TXNRD1: variants seen among roughly 807,000 people sequenced by gnomAD.
TXNRD1 encodes the protein thioredoxin reductase 1, cytoplasmic.
A neutral mutation model predicts 80.3 loss-of-function variants in TXNRD1; 57 were observed. That is an observed-to-expected ratio of 0.71 (90% CI 0.57 to 0.89). TXNRD1 has a LOEUF of 0.89. Among genes scored for constraint, TXNRD1 ranks in the 40% least tolerant of loss-of-function variants. The pLI is 0.00. For missense variants in TXNRD1, 730 were observed against 803.0 expected, an observed-to-expected ratio of 0.91 and a Z score of 1.10; for synonymous variants, 291 against 285.2, an observed-to-expected ratio of 1.02 and a Z score of -0.20.
At chr12:104,287,243 T>A (rs770814688) in intron 3 of TXNRD1, 5 of 1,613,416 alleles carry the variant, frequency 3.1e-6, no homozygotes, top group Non-Finnish European at 4.2e-6. Flanking sequence ...AGGGAAGATA[T>A]TTTAAGGCGT....
chr12:104,314,865 C>T (rs760195347), intron 6 of TXNRD1, among the ~76,000 whole-genome samples: 1 of 151,288 alleles, frequency 6.6e-6, no homozygotes, highest in Admixed American at 6.6e-5. Flanking sequence ...CCTCAGCCTC[C>T]TTAGTAGCTG....
intron 4 of TXNRD1, among the ~76,000 whole-genome samples, chr12:104,311,050 C>A (rs940152619): frequency 1.3e-5 from 2 of 152,152 alleles, no homozygotes; most frequent in African/African-American, 4.8e-5. Flanking sequence ...TGTAGAGGTA[C>A]TATACGAACA....
intron 1 of TXNRD1, among the ~76,000 whole-genome samples, chr12:104,221,230 T>A (rs747488486): frequency 3.1e-4 from 47 of 152,186 alleles, no homozygotes; most frequent in Non-Finnish European, 6.0e-4. Flanking sequence ...GCTACTGCAC[T>A]CCAGCCTGGG....
At chr12:104,262,307 C>T (rs894459040) in intron 3 of TXNRD1, 3 of 146,126 alleles carry the variant, frequency 2.1e-5, no homozygotes, top group African/African-American at 7.6e-5. Flanking sequence ...TGAATATTAA[C>T]ACAGTTTTGA....
chr12:104,303,781 C>A, intron 4 of TXNRD1: 1 of 1,268,116 alleles, frequency 7.9e-7, no homozygotes, highest in Non-Finnish European at 1.0e-6. Context: ...ACTTTCCACA[C>A]GCTGGGAGGG....
intron 1 of TXNRD1, among the ~76,000 whole-genome samples, chr12:104,217,212 A>G (rs1251741143): frequency 6.6e-6 from 1 of 151,882 alleles, no homozygotes; most frequent in Non-Finnish European, 1.5e-5. Flanking sequence ...TGCCATCCTC[A>G]GGATCTTCTT....
intron 4 of TXNRD1, among the ~76,000 whole-genome samples, chr12:104,302,486 C>CATT (rs1555213398): frequency 2.6e-5 from 2 of 76,226 alleles, no homozygotes; most frequent in African/African-American, 1.2e-4. Context: ...TATTCATTCC[C>CATT]TTTTTTTTTT....
At chr12:104,290,720 CATATAT>C (rs58669975) in intron 4 of TXNRD1, among the ~76,000 whole-genome samples, 5,657 of 55,722 alleles carry the variant, frequency 0.1, 279 homozygotes, top group Non-Finnish European at 0.12. Context: ...AAGAAATATA[CATATAT>C]ATATATATAT....
intron 4 of TXNRD1, among the ~76,000 whole-genome samples, chr12:104,297,563 CTA>C (rs2034477065): frequency 6.6e-6 from 1 of 151,948 alleles, no homozygotes; most frequent in South Asian, 2.1e-4. Context: ...CAAGATTTCT[CTA>C]TGTTGGTCAG....
chr12:104,345,980 A>G (rs1208152991), intron 16 of TXNRD1: 10 of 1,288,848 alleles, frequency 7.8e-6, no homozygotes, highest in Non-Finnish European at 1.0e-5. Flanking sequence ...ATTCTAAAAC[A>G]GTTGTGTACG....
chr12:104,310,442 C>A (rs1475014477), intron 4 of TXNRD1, among the ~76,000 whole-genome samples: 1 of 152,200 alleles, frequency 6.6e-6, no homozygotes, highest in Non-Finnish European at 1.5e-5. Context: ...AGCCACTGTG[C>A]CTGGCCTACT....
chr12:104,251,402 T>C (rs2033114486), intron 1 of TXNRD1, 125 bp from the exon 2 acceptor site: 1 of 938,924 alleles, frequency 1.1e-6, no homozygotes, highest in South Asian at 1.4e-5. Context: ...CCTTCCTTCC[T>C]CAGATTCCTT....
At chr12:104,290,295 G>T (rs1331731397) in intron 4 of TXNRD1, among the ~76,000 whole-genome samples, 1 of 152,086 alleles carries the variant, frequency 6.6e-6, no homozygotes, top group Non-Finnish European at 1.5e-5. Context: ...CAAATTAATG[G>T]AAAATTAATG....
chr12:104,221,479 G>A (rs764858781), intron 1 of TXNRD1, among the ~76,000 whole-genome samples: 8 of 151,974 alleles, frequency 5.3e-5, no homozygotes, highest in Admixed American at 2.0e-4. Flanking sequence ...CACAACGCCC[G>A]ACTAATTTTG....
chr12:104,236,593 CA>C (rs1386473959), intron 1 of TXNRD1, among the ~76,000 whole-genome samples: 3 of 151,918 alleles, frequency 2.0e-5, no homozygotes, highest in Non-Finnish European at 4.4e-5. Flanking sequence ...AGTTTGAGAC[CA>C]ACCTGACCAA....
At chr12:104,303,067 A>G (rs1020227942) in intron 4 of TXNRD1, among the ~76,000 whole-genome samples, 4 of 152,116 alleles carry the variant, frequency 2.6e-5, no homozygotes, top group African/African-American at 9.7e-5. Context: ...GCTCTTTTGC[A>G]GAGATCTCTA....
intron 4 of TXNRD1, among the ~76,000 whole-genome samples, chr12:104,294,161 G>A (rs1283199599): frequency 6.8e-6 from 1 of 147,166 alleles, no homozygotes; most frequent in East Asian, 2.2e-4. Flanking sequence ...AACTGCGGGC[G>A]AGCCTGACTG....
chr12:104,244,912 A>T (rs966635985), intron 1 of TXNRD1, among the ~76,000 whole-genome samples: 1 of 152,354 alleles, frequency 6.6e-6, no homozygotes, highest in Non-Finnish European at 1.5e-5. Context: ...GTGGCAAGGT[A>T]TAACTTTGTC....
intron 13 of TXNRD1, 38 bp downstream of exon 13, chr12:104,327,709 C>T (rs375126919): frequency 2.1e-4 from 342 of 1,597,908 alleles, no homozygotes; most frequent in Non-Finnish European, 2.8e-4. Flanking sequence ...ATACTGTTGT[C>T]AGTAATACTC....
Sources: gnomAD v4.1 joint callset for allele counts (sites outside exome capture counted in the v4.1 genomes callset) on GRCh38, gnomAD v4.1.1 for gene constraint, MANE v1.5 for transcripts, NCBI Gene and HGNC (gene_info 2026-07-23, HGNC 2026-07-21) for gene names.